The following HSPA4L variants were observed in gnomAD, a reference collection of about 807,000 sequenced individuals.
HSPA4L encodes the protein heat shock 70 kDa protein 4L.
In HSPA4L, 48 loss-of-function variants were observed where a neutral mutation model predicts 100.3. The observed-to-expected ratio is 0.48, with a 90% CI of 0.38 to 0.61. The LOEUF (loss-of-function observed/expected upper bound fraction) is 0.61, where lower values mean the gene tolerates loss of function less well. Ranked by LOEUF, HSPA4L falls within the 20% of genes least tolerant of loss-of-function variation. The probability of loss-of-function intolerance (pLI) is 0.00; values close to 1 mark genes in which losing one functional copy is unlikely to be tolerated. For missense variants in HSPA4L, 886 were observed against 988.6 expected (o/e 0.90, Z 1.39); for synonymous variants, 319 against 328.2 (o/e 0.97, Z 0.30).
chr4:127,824,265 C>T (rs1056311940), intron 16 of HSPA4L, among the ~76,000 whole-genome samples: 24 of 152,236 alleles, frequency 1.6e-4, no homozygotes, highest in African/African-American at 5.5e-4. Context: ...TAGATTGAGT[C>T]TCTATTTTGG....
intron 6 of HSPA4L, among the ~76,000 whole-genome samples, 159 bp from the exon 7 acceptor site, chr4:127,803,470 G>A (rs1733251881): frequency 6.6e-6 from 1 of 152,090 alleles, no homozygotes; most frequent in African/African-American, 2.4e-5. Flanking sequence ...AAATATAAGT[G>A]ATAATTTAAC....
chr4:127,818,352 G>A lies in HSPA4L; in HGVS notation c.1606G>A (p.Gly536Arg). Residue 536 changes from glycine (G) to arginine (R), a missense_variant, in exon 13 of 19, where the codon GGG becomes AGG. Gly to Arg is a moderately radical substitution (Grantham distance 125, BLOSUM62 -2). Coordinates refer to ENST00000296464, the MANE Select transcript of HSPA4L (RefSeq NM_014278.4). ...MDKMQVDQEE[G>R]HQKCHAEHTP... ...TAAAATGCAGGTTGATCAAGAAGAA[G>A]GGCATCAAAAATGTCATGCTGAACA... 1 of 1,611,406 alleles carries A rather than the reference G, an allele frequency of 6.2e-7. No homozygotes were observed. Among genetic ancestry groups the A allele is most frequent in the Non-Finnish European group, 8.5e-7 (1 of 1,178,262 alleles).
intron 14 of HSPA4L, among the ~76,000 whole-genome samples, chr4:127,821,442 G>T (rs540475962): frequency 6.6e-6 from 1 of 152,216 alleles, no homozygotes; most frequent in South Asian, 2.1e-4. Flanking sequence ...GTTTACATGT[G>T]TTTTTATTAA....
At chr4:127,782,816 G>A (rs1009175012) in intron 1 of HSPA4L, among the ~76,000 whole-genome samples, 159 bp downstream of exon 1, 10 of 151,738 alleles carry the variant, frequency 6.6e-5, no homozygotes, top group Admixed American at 1.3e-4. Flanking sequence ...CCTAGAGACC[G>A]CCGGGTGGCA....
intron 12 of HSPA4L, chr4:127,812,923 A>G (rs1353522840): frequency 1.6e-5 from 13 of 829,672 alleles, no homozygotes; most frequent in Non-Finnish European, 2.2e-5. Flanking sequence ...AATGTGCTCA[A>G]TACGCACATT....
intron 4 of HSPA4L, among the ~76,000 whole-genome samples, chr4:127,799,336 C>G (rs1733110549): frequency 6.6e-6 from 1 of 151,558 alleles, no homozygotes; most frequent in Non-Finnish European, 1.5e-5. Context: ...AATATTAGAG[C>G]TTAATATTTT....
chr4:127,803,138 TTTTG>T (rs1733241170), intron 6 of HSPA4L, among the ~76,000 whole-genome samples: 1 of 152,150 alleles, frequency 6.6e-6, no homozygotes, highest in Admixed American at 6.6e-5. Context: ...TTTTTGTGTG[TTTTG>T]TTTTTGTTTC....
At chr4:127,800,942 G>A (rs1733157467) in intron 4 of HSPA4L, among the ~76,000 whole-genome samples, 196 bp from the exon 5 acceptor site, 3 of 152,074 alleles carry the variant, frequency 2.0e-5, no homozygotes, top group Admixed American at 2.0e-4. Context: ...CTTTAAATTA[G>A]TATTCATACT....
intron 16 of HSPA4L, among the ~76,000 whole-genome samples, chr4:127,824,646 G>C (rs978123877): frequency 9.9e-5 from 15 of 152,168 alleles, no homozygotes; most frequent in African/African-American, 3.6e-4. Context: ...TCCTCTGACT[G>C]TTAACTGTCT....
At chr4:127,810,165 G>A (rs1021273442) in intron 11 of HSPA4L, among the ~76,000 whole-genome samples, 6 of 152,068 alleles carry the variant, frequency 3.9e-5, no homozygotes, top group Non-Finnish European at 5.9e-5. Context: ...GTGAGAATAG[G>A]AGATTGTAAT....
At chr4:127,819,350 G>A (rs1370584700) in intron 13 of HSPA4L, among the ~76,000 whole-genome samples, 1 of 152,096 alleles carries the variant, frequency 6.6e-6, no homozygotes, top group East Asian at 1.9e-4. Context: ...AACCTGCATA[G>A]ATTAAATTCT....
At chr4:127,809,354 T>C in intron 11 of HSPA4L, 4 of 1,152,476 alleles carry the variant, frequency 3.5e-6, no homozygotes, top group Non-Finnish European at 3.9e-6. Context: ...CGCAGTATAT[T>C]GCAGCCCAGC....
intron 12 of HSPA4L, chr4:127,813,104 T>A: frequency 7.8e-7 from 1 of 1,279,910 alleles, no homozygotes; most frequent in South Asian, 1.2e-5. Flanking sequence ...TTCTTATAGA[T>A]TCGCATATAC....
chr4:127,819,627 C>T (rs542823525), intron 13 of HSPA4L, among the ~76,000 whole-genome samples: 4 of 152,218 alleles, frequency 2.6e-5, no homozygotes, highest in East Asian at 3.9e-4. Flanking sequence ...TATCTATTAG[C>T]GGTGACTTCC....
chr4:127,786,731 T>G (rs530004562), intron 1 of HSPA4L, among the ~76,000 whole-genome samples: 1 of 152,352 alleles, frequency 6.6e-6, no homozygotes, highest in South Asian at 2.1e-4. Context: ...CCTCCCAAAG[T>G]GCTGGGATTA....
In HSPA4L at chr4:127,834,982, A is replaced by AATT. The variant is rs1478237568; in HGVS notation, c.*2112_*2114dup. 2 of 152,144 alleles carry AATT rather than the reference A, an allele frequency of 1.3e-5. No homozygotes were observed. Among genetic ancestry groups the AATT allele is most frequent in the Non-Finnish European group, 2.9e-5 (2 of 68,026 alleles). The allele number at this position is 152,144 out of a possible 1,614,324, so 9.4% of individuals were successfully genotyped here. A position where few individuals can be genotyped will look rare whatever the true frequency, so the allele number is the denominator to read the frequency against. Reference sequence around the variant, plus strand: ...CCAAATATATATACTTTTTCTACCCAATTATTCAACTTAAAAGATTTCAAA... The same window carrying AATT: ...CCAAATATATATACTTTTTCTACCCAATTATTATTCAACTTAAAAGATTTCAAA... On this transcript the variant is annotated 3_prime_UTR_variant, in exon 19 of 19. Transcript: ENST00000296464.
At chr4:127,812,197 C>A (rs558755523) in intron 12 of HSPA4L, among the ~76,000 whole-genome samples, 1 of 152,040 alleles carries the variant, frequency 6.6e-6, no homozygotes, top group Non-Finnish European at 1.5e-5. Context: ...ATCACGAGGT[C>A]AGGAGATCGA....
In HSPA4L at chr4:127,827,374, G is replaced by C. The variant is rs1733973815; in HGVS notation, c.2116G>C (p.Gly706Arg). The C allele has an allele frequency of 2.5e-6, 4 of 1,613,492 alleles. No homozygotes were observed. Among genetic ancestry groups the C allele is most frequent in the Non-Finnish European group, 3.4e-6 (4 of 1,179,636 alleles). ...EERPKALNDL[G>R]KKIQLVMKVI... is the part of the protein sequence containing the mutation. Reference sequence around the variant, plus strand: ...GAGACCAAAAGCCTTAAATGACTTGGGAAAAAAGATCCAACTTGTCATGAA... The same window carrying C: ...GAGACCAAAAGCCTTAAATGACTTGCGAAAAAAGATCCAACTTGTCATGAA... The change falls in exon 17 of 19, where the codon GGA becomes CGA. Residue 706 changes from glycine (G) to arginine (R), a missense_variant. By Grantham distance (125) the Gly-to-Arg change is moderately radical. Coordinates refer to ENST00000296464, the MANE Select transcript of HSPA4L (RefSeq NM_014278.4).
chr4:127,820,215 C>T (rs112925477), intron 13 of HSPA4L, among the ~76,000 whole-genome samples: 6 of 151,932 alleles, frequency 3.9e-5, no homozygotes, highest in Non-Finnish European at 7.4e-5. Flanking sequence ...AGTAGCTACT[C>T]GTCTTACTTT....
Sources: gnomAD v4.1 joint callset for allele counts (sites outside exome capture counted in the v4.1 genomes callset) on GRCh38, gnomAD v4.1.1 for gene constraint, MANE v1.5 for transcripts, NCBI Gene and HGNC (gene_info 2026-07-23, HGNC 2026-07-21) for gene names.